SYN3: variants seen among roughly 807,000 people sequenced by gnomAD.
SYN3 encodes the protein synapsin-3.
A neutral mutation model predicts 65.8 loss-of-function variants in SYN3; 35 were observed. The ratio of observed to expected loss-of-function variants is 0.53; its 90% CI spans 0.41 to 0.70. The LOEUF (loss-of-function observed/expected upper bound fraction) is 0.70, where lower values mean the gene tolerates loss of function less well. SYN3 is among the 30% of genes least tolerant of loss of function. SYN3 has a pLI of 0.00. For synonymous variants in SYN3, 270 were observed against 292.9 expected, an observed-to-expected ratio of 0.92 and a Z score of 0.80; for missense variants, 680 against 749.0, an observed-to-expected ratio of 0.91 and a Z score of 1.08.
At chr22:32,711,700 T>C (rs1286528250) in intron 6 of SYN3, among the ~76,000 whole-genome samples, 2 of 152,234 alleles carry the variant, frequency 1.3e-5, no homozygotes, top group African/African-American at 4.8e-5. Flanking sequence ...CCAAGAGGTC[T>C]ATTCAACACT....
chr22:32,790,778 G>A (rs1274439659), intron 6 of SYN3, among the ~76,000 whole-genome samples: 1 of 152,080 alleles, frequency 6.6e-6, no homozygotes. Flanking sequence ...ATTCCCGAAT[G>A]TATAACAATA....
At chr22:32,700,248 A>G (rs1331049389) in intron 6 of SYN3, among the ~76,000 whole-genome samples, 1 of 152,184 alleles carries the variant, frequency 6.6e-6, no homozygotes, top group African/African-American at 2.4e-5. Context: ...GTGAAATTCC[A>G]CAGGCTTAAA....
At position 32,982,868 on chromosome 22, in the gene SYN3, A is replaced by G. The variant is rs1187478224; in HGVS notation, c.312-2166T>C. Among the ~76,000 whole-genome samples the G allele has an allele frequency of 2.0e-5, 3 of 152,184 alleles. No individual in the cohort carries two copies. In the East Asian group the frequency reaches 5.8e-4, roughly 29 times the overall value. ...ATTAACACTCACAACCACCACCACG[A>G]AGTAGATATCATTATTTCCAACTTA... On this transcript the variant is annotated intron_variant, in intron 2 of 13. Coordinates refer to ENST00000358763, the MANE Select transcript of SYN3 (RefSeq NM_003490.4).
At chr22:32,939,090 T>C (rs995028238) in intron 3 of SYN3, among the ~76,000 whole-genome samples, 7 of 152,212 alleles carry the variant, frequency 4.6e-5, no homozygotes, top group Non-Finnish European at 8.8e-5. Context: ...GTTCTAGATA[T>C]GGTAAATATG....
intron 6 of SYN3, chr22:32,859,888 A>C (rs2048487992): frequency 5.8e-6 from 1 of 171,354 alleles, no homozygotes; most frequent in Non-Finnish European, 1.3e-5. Flanking sequence ...GGTGTGTGAA[A>C]GATGTTATAC....
intron 6 of SYN3, among the ~76,000 whole-genome samples, chr22:32,829,075 C>T (rs974306309): frequency 6.6e-6 from 1 of 152,116 alleles, no homozygotes; most frequent in South Asian, 2.1e-4. Flanking sequence ...CTGAAACTGG[C>T]ACCATTTCTA....
intron 6 of SYN3, among the ~76,000 whole-genome samples, chr22:32,795,422 C>T (rs770283663): frequency 7.9e-5 from 12 of 152,264 alleles, no homozygotes; most frequent in Middle Eastern, 3.4e-3. Context: ...TGTCATCCTT[C>T]GGAATGGGTA....
intron 6 of SYN3, among the ~76,000 whole-genome samples, chr22:32,784,598 C>T (rs1227031623): frequency 1.3e-5 from 2 of 152,194 alleles, no homozygotes; most frequent in Non-Finnish European, 2.9e-5. Context: ...AGACTCTTGT[C>T]TCACAGAAAT....
chr22:32,933,481 T>G (rs908343021), intron 3 of SYN3, among the ~76,000 whole-genome samples: 1 of 152,146 alleles, frequency 6.6e-6, no homozygotes, highest in Non-Finnish European at 1.5e-5. Context: ...CAGGCTGGAG[T>G]GCAGTGGCTC....
At chr22:32,611,893 C>G (rs2059450839) in intron 6 of SYN3, among the ~76,000 whole-genome samples, 1 of 152,132 alleles carries the variant, frequency 6.6e-6, no homozygotes. Context: ...CAGATTGAGG[C>G]TTGAATCTTT....
chr22:32,780,078 A>AAAAAAAAAAAAAAAAGAG (rs1359453939), intron 6 of SYN3, among the ~76,000 whole-genome samples: 24 of 52,638 alleles, frequency 4.6e-4, no homozygotes, highest in African/African-American at 1.4e-3. Flanking sequence ...CAAAAAAAAA[A>AAAAAAAAAAAAAAAAGAG]AGAGAGAGAA....
intron 6 of SYN3, among the ~76,000 whole-genome samples, chr22:32,772,187 G>A (rs920806965): frequency 6.6e-6 from 1 of 152,162 alleles, no homozygotes; most frequent in South Asian, 2.1e-4. Flanking sequence ...CACAGGGGGG[G>A]AGAAAAGCAG....
chr22:32,991,554 T>C (rs2145720056), intron 2 of SYN3, among the ~76,000 whole-genome samples: 1 of 152,232 alleles, frequency 6.6e-6, no homozygotes, highest in East Asian at 1.9e-4. Context: ...CTGTCATCTC[T>C]CTGCAGCCGA....
intron 1 of SYN3, among the ~76,000 whole-genome samples, chr22:33,030,883 AC>A (rs2053742125): frequency 6.6e-6 from 1 of 152,196 alleles, no homozygotes; most frequent in Non-Finnish European, 1.5e-5. Context: ...ACAAATAGAC[AC>A]AGAGAGATAG....
rs145447527 is a variant in SYN3, at chr22:32,566,153, G to C, written c.775-24440C>G. Reference sequence around the variant, plus strand: ...CCACTGCACCTGGCCAGGGTATTTTGTTTAACCCGATATAAAAAAAGTTCT... The same window carrying C: ...CCACTGCACCTGGCCAGGGTATTTTCTTTAACCCGATATAAAAAAAGTTCT... On this transcript the variant is annotated intron_variant, in intron 7 of 13. Transcript: ENST00000358763. Among the ~76,000 whole-genome samples, 11 of 152,154 alleles carry C rather than the reference G, an allele frequency of 7.2e-5. No individual in the cohort carries two copies. In the East Asian group the frequency reaches 1.9e-3, roughly 27 times the overall value.
At chr22:32,626,715 G>T (rs1403764643) in intron 6 of SYN3, among the ~76,000 whole-genome samples, 1 of 152,174 alleles carries the variant, frequency 6.6e-6, no homozygotes, top group Non-Finnish European at 1.5e-5. Context: ...AGAGGCTTTG[G>T]TGCTACCCAG....
At chr22:32,611,100 G>A (rs977657926) in intron 6 of SYN3, among the ~76,000 whole-genome samples, 2 of 152,152 alleles carry the variant, frequency 1.3e-5, no homozygotes, top group African/African-American at 4.8e-5. Context: ...TGGATCAGAA[G>A]TGATTTCTAT....
intron 2 of SYN3, among the ~76,000 whole-genome samples, chr22:32,991,132 G>A (rs1373555127): frequency 2.6e-5 from 4 of 151,554 alleles, no homozygotes; most frequent in African/African-American, 4.9e-5. Flanking sequence ...GCAGTGAGCC[G>A]AGATAGTGCC....
At chr22:32,878,006 A>G (rs2049027103) in intron 4 of SYN3, among the ~76,000 whole-genome samples, 1 of 152,216 alleles carries the variant, frequency 6.6e-6, no homozygotes, top group East Asian at 1.9e-4. Context: ...AGATACGATA[A>G]TAATAGCTTT....
Sources: allele counts gnomAD v4.1 joint callset (sites outside exome capture counted in the v4.1 genomes callset), GRCh38; gene constraint gnomAD v4.1.1; transcripts MANE v1.5; gene names NCBI Gene and HGNC (gene_info 2026-07-23, HGNC 2026-07-21).